The following CWC27 variants were observed in gnomAD, a reference collection of about 807,000 sequenced individuals.
CWC27 encodes CWC27 spliceosome associated cyclophilin.
Under a neutral mutation model 63.6 loss-of-function variants are expected in CWC27, and 47 were observed. The observed-to-expected ratio is 0.74, with a 90% CI of 0.58 to 0.94. CWC27 has a LOEUF of 0.94. Among genes scored for constraint, CWC27 ranks in the 40% least tolerant of loss-of-function variants. CWC27 has a pLI of 0.00. For missense variants in CWC27, 495 were observed against 554.3 expected, an observed-to-expected ratio of 0.89 and a Z score of 1.07; for synonymous variants, 175 against 179.8, an observed-to-expected ratio of 0.97 and a Z score of 0.22.
chr5:64,810,737 A>G (rs1195303468), intron 10 of CWC27, among the ~76,000 whole-genome samples: 3 of 152,070 alleles, frequency 2.0e-5, no homozygotes, highest in Non-Finnish European at 4.4e-5. Context: ...ATATGCATTC[A>G]GTGTTAAGAA....
intron 11 of CWC27, among the ~76,000 whole-genome samples, chr5:64,908,192 G>A (rs1429852826): frequency 6.6e-6 from 1 of 152,174 alleles, no homozygotes; most frequent in Admixed American, 6.5e-5. Context: ...TAGTTGTGTG[G>A]TTTTGAGTGA....
At chr5:65,018,107 T>C in intron 13 of CWC27, 52 bp from the exon 14 acceptor site, 1 of 1,456,136 alleles carries the variant, frequency 6.9e-7, no homozygotes, top group Non-Finnish European at 9.3e-7. Flanking sequence ...ATAGAATTTC[T>C]ACTGTAAGTT....
intron 7 of CWC27, among the ~76,000 whole-genome samples, chr5:64,799,958 T>C (rs1042892976): frequency 6.6e-6 from 1 of 152,112 alleles, no homozygotes; most frequent in Non-Finnish European, 1.5e-5. Context: ...ACTAGTTTCA[T>C]AGTATGCAAA....
At chr5:64,949,690 A>G (rs1748668411) in intron 11 of CWC27, among the ~76,000 whole-genome samples, 1 of 151,956 alleles carries the variant, frequency 6.6e-6, no homozygotes, top group African/African-American at 2.4e-5. Flanking sequence ...TTCCATGAAG[A>G]CTAGATTTTT....
chr5:64,888,292 A>G (rs1747124480), intron 11 of CWC27, among the ~76,000 whole-genome samples: 1 of 147,800 alleles, frequency 6.8e-6, no homozygotes, highest in Non-Finnish European at 1.5e-5. Flanking sequence ...TATATAATAT[A>G]GTTAATATAA....
chr5:64,834,013 A>G (rs1416612193), intron 10 of CWC27, among the ~76,000 whole-genome samples: 2 of 151,546 alleles, frequency 1.3e-5, no homozygotes, highest in East Asian at 1.9e-4. Context: ...TATGTATAGT[A>G]TCACTAAACA....
At chr5:65,010,093 C>A (rs1434527942) in intron 13 of CWC27, among the ~76,000 whole-genome samples, 2 of 152,108 alleles carry the variant, frequency 1.3e-5, no homozygotes, top group African/African-American at 4.8e-5. Flanking sequence ...GTGCATACCA[C>A]AGAGGTTTCA....
intron 11 of CWC27, among the ~76,000 whole-genome samples, chr5:64,919,560 A>G (rs879391198): frequency 1.3e-5 from 2 of 152,092 alleles, no homozygotes; most frequent in South Asian, 2.1e-4. Context: ...CTTTGTGGCC[A>G]TGTGTATTCA....
chr5:64,884,983 G>T (rs1342192369), intron 10 of CWC27, among the ~76,000 whole-genome samples: 1 of 152,160 alleles, frequency 6.6e-6, no homozygotes, highest in Non-Finnish European at 1.5e-5. Context: ...AGTTTGTAGC[G>T]TGACACCTAC....
At chr5:64,779,940 G>A (rs1157784001) in intron 2 of CWC27, among the ~76,000 whole-genome samples, 4 of 152,082 alleles carry the variant, frequency 2.6e-5, no homozygotes, top group Admixed American at 6.5e-5. Context: ...TTTGCCATCC[G>A]CCATGATTGT....
chr5:64,941,999 CTA>C (rs1217957475), intron 11 of CWC27, among the ~76,000 whole-genome samples: 10 of 151,936 alleles, frequency 6.6e-5, no homozygotes. Context: ...CAAATTATAA[CTA>C]TTTTGCAGAT....
Position 64,938,576 on chromosome 5 carries a change from A to G in CWC27, c.1043-33127A>G, listed in dbSNP as rs192780607. ...TTCATCCTTGGTGAATCTGACAATT[A>G]TATGTCTTGGGGTTGTTCTTCTCAA... On this transcript the variant is annotated intron_variant, in intron 11 of 13. Coordinates refer to ENST00000381070, the MANE Select transcript of CWC27 (RefSeq NM_005869.4). Among the ~76,000 whole-genome samples the G allele has an allele frequency of 1.2e-3, 180 of 152,088 alleles. 3 individuals carry two copies. The highest frequency in any genetic ancestry group is 4.2e-3 in the African/African-American group (176 of 41,468).
chr5:64,845,455 C>T (rs1745951444), intron 10 of CWC27, among the ~76,000 whole-genome samples: 1 of 152,016 alleles, frequency 6.6e-6, no homozygotes, highest in African/African-American at 2.4e-5. Context: ...CAGTGATGTA[C>T]AAGAATATAT....
intron 10 of CWC27, among the ~76,000 whole-genome samples, chr5:64,863,596 G>C (rs1746465215): frequency 6.6e-6 from 1 of 152,048 alleles, no homozygotes. Flanking sequence ...CTGGGCTCAA[G>C]TGATCCTTCC....
At chr5:64,878,984 G>C (rs1439367061) in intron 10 of CWC27, among the ~76,000 whole-genome samples, 2 of 151,908 alleles carry the variant, frequency 1.3e-5, no homozygotes, top group Non-Finnish European at 2.9e-5. Context: ...GTTATAAAAT[G>C]AATGGAAGAA....
chr5:64,933,506 T>C (rs1479743679), intron 11 of CWC27, among the ~76,000 whole-genome samples: 3 of 150,904 alleles, frequency 2.0e-5, no homozygotes, highest in Non-Finnish European at 4.4e-5. Flanking sequence ...TTTTTTTTTT[T>C]TTTTTTGAGA....
intron 10 of CWC27, among the ~76,000 whole-genome samples, chr5:64,826,108 T>TATCTATCC (rs1225914592): frequency 1.3e-5 from 2 of 151,754 alleles, no homozygotes; most frequent in East Asian, 3.9e-4. Context: ...TCTATCTATC[T>TATCTATCC]ATCTATCCAT....
chr5:64,899,800 A>G (rs1006554748), intron 11 of CWC27, among the ~76,000 whole-genome samples: 1 of 152,230 alleles, frequency 6.6e-6, no homozygotes, highest in Non-Finnish European at 1.5e-5. Context: ...TCAAGGCCCA[A>G]CATGTTCTCA....
intron 13 of CWC27, among the ~76,000 whole-genome samples, chr5:65,004,909 TAC>T (rs61613608): frequency 0.1 from 6,686 of 64,172 alleles, 408 homozygotes; most frequent in South Asian, 0.24. Context: ...TATATATACA[TAC>T]ACACACACAC....
Sources: gnomAD v4.1 joint callset for allele counts (sites outside exome capture counted in the v4.1 genomes callset) on GRCh38, gnomAD v4.1.1 for gene constraint, MANE v1.5 for transcripts, NCBI Gene and HGNC (gene_info 2026-07-23, HGNC 2026-07-21) for gene names.